The following CNTNAP2 variants were observed in gnomAD, a reference collection of about 807,000 sequenced individuals.
CNTNAP2 encodes contactin-associated protein-like 2.
Under a neutral mutation model 155.2 loss-of-function variants are expected in CNTNAP2, and 98 were observed. That is an observed-to-expected ratio of 0.63 (90% CI 0.54 to 0.75). The LOEUF (loss-of-function observed/expected upper bound fraction) is 0.75, where lower values mean the gene tolerates loss of function less well. Among genes scored for constraint, CNTNAP2 ranks in the 30% least tolerant of loss-of-function variants. The pLI, the probability that CNTNAP2 is intolerant of heterozygous loss-of-function variation, is 0.00. For missense variants in CNTNAP2, 1,727 were observed against 1,688.1 expected (o/e 1.02, Z -0.40); for synonymous variants, 651 against 631.2 (o/e 1.03, Z -0.47).
At chr7:147,648,396 G>T (rs1351736876) in intron 13 of CNTNAP2, among the ~76,000 whole-genome samples, 1 of 152,144 alleles carries the variant, frequency 6.6e-6, no homozygotes, top group Non-Finnish European at 1.5e-5. Context: ...ACGCAAAGTA[G>T]ATTTTATTAT....
At chr7:147,761,209 A>G (rs1797293943) in intron 13 of CNTNAP2, among the ~76,000 whole-genome samples, 2 of 152,338 alleles carry the variant, frequency 1.3e-5, no homozygotes, top group East Asian at 3.9e-4. Context: ...TGTCTCTTAG[A>G]ATACACATTG....
chr7:146,967,214 TC>T (rs1797675734), intron 3 of CNTNAP2, among the ~76,000 whole-genome samples: 1 of 152,168 alleles, frequency 6.6e-6, no homozygotes, highest in South Asian at 2.1e-4. Context: ...TTTCATTTGT[TC>T]TTTAATAATT....
rs183900623 is a variant in CNTNAP2 at position 147,625,757 on chromosome 7, A to G, written c.1898-13349A>G. ...GGAACATACCAGGAAAACCTGAAGG[A>G]TTCCCAGATCCTTTGAAAGAAGCAG... On this transcript the variant is annotated intron_variant, in intron 12 of 23. Coordinates refer to ENST00000361727, the MANE Select transcript of CNTNAP2 (RefSeq NM_014141.6). 3.3e-3 allele frequency among the ~76,000 whole-genome samples: 496 copies of G among 152,310 alleles called. 3 individuals carry two copies. The highest frequency in any genetic ancestry group is 5.4e-3 in the Admixed American group (82 of 15,290).
At chr7:146,311,702 T>G (rs10225855) in intron 1 of CNTNAP2, 142,958 of 149,848 alleles carry the variant, frequency 0.95, 68,042 homozygotes, top group East Asian at 1. Context: ...AAGAAAGAAA[T>G]AAAGAAAGAA....
chr7:146,869,693 A>G (rs998852312), intron 3 of CNTNAP2, among the ~76,000 whole-genome samples: 14 of 152,106 alleles, frequency 9.2e-5, no homozygotes, highest in East Asian at 3.9e-4. Flanking sequence ...TCCCAAAACC[A>G]AAGAACTTGG....
chr7:147,858,190 C>CA (rs1799073362), intron 13 of CNTNAP2, among the ~76,000 whole-genome samples: 1 of 152,210 alleles, frequency 6.6e-6, no homozygotes, highest in African/African-American at 2.4e-5. Flanking sequence ...TGGGTGCAAG[C>CA]AATTCTCTGC....
chr7:146,718,064 TAAC>T (rs1479185798), intron 1 of CNTNAP2, among the ~76,000 whole-genome samples: 2 of 152,162 alleles, frequency 1.3e-5, no homozygotes. Flanking sequence ...TTCAATATAA[TAAC>T]AATTACCATC....
chr7:147,281,347 T>A (rs1332986758), intron 8 of CNTNAP2, among the ~76,000 whole-genome samples: 1 of 151,876 alleles, frequency 6.6e-6, no homozygotes, highest in Admixed American at 6.6e-5. Context: ...CAAAAGCTTA[T>A]ATTAAATATT....
rs191541276 is a variant in CNTNAP2 at position 147,036,920 on chromosome 7, T to A, written c.403-6987T>A. On this transcript the variant is annotated intron_variant, in intron 3 of 23. Transcript: ENST00000361727. ...AAAAGAGCCAAGTGATATGAAAAAA[T>A]GCTCCTTTTCAAGACCTATGATAGT... 7.8e-3 allele frequency among the ~76,000 whole-genome samples: 1,194 copies of A among 152,156 alleles called. 37 individuals are homozygous for A. The highest frequency in any genetic ancestry group is 0.057 in the Admixed American group (874 of 15,272).
At chr7:147,035,867 G>GA (rs376900740) in intron 3 of CNTNAP2, among the ~76,000 whole-genome samples, 18 of 113,766 alleles carry the variant, frequency 1.6e-4, no homozygotes, top group Middle Eastern at 4.1e-3. Context: ...GTAAATTTGA[G>GA]AAAAAAAAAA....
intron 14 of CNTNAP2, among the ~76,000 whole-genome samples, chr7:147,955,791 C>T (rs547991541): frequency 6.6e-6 from 1 of 152,148 alleles, no homozygotes; most frequent in South Asian, 2.1e-4. Context: ...AGCAAAAGCG[C>T]CGTGCACATA....
At chr7:146,990,563 T>A (rs1374912727) in intron 3 of CNTNAP2, among the ~76,000 whole-genome samples, 1 of 152,102 alleles carries the variant, frequency 6.6e-6, no homozygotes, top group Non-Finnish European at 1.5e-5. Flanking sequence ...TTTTTTTTTC[T>A]CCCTGATTTC....
At chr7:147,734,722 A>G (rs376877286) in intron 13 of CNTNAP2, among the ~76,000 whole-genome samples, 4 of 152,196 alleles carry the variant, frequency 2.6e-5, no homozygotes, top group African/African-American at 7.2e-5. Flanking sequence ...CAGAGATTCA[A>G]CTTCTTCCTG....
chr7:148,092,340 A>G (rs757610061), intron 15 of CNTNAP2, among the ~76,000 whole-genome samples: 10 of 152,208 alleles, frequency 6.6e-5, no homozygotes, highest in Non-Finnish European at 1.2e-4. Flanking sequence ...AAGTGTTTCC[A>G]TCTTAATGAG....
chr7:147,724,432 C>A (rs1418958370), intron 13 of CNTNAP2, among the ~76,000 whole-genome samples: 1 of 152,052 alleles, frequency 6.6e-6, no homozygotes, highest in African/African-American at 2.4e-5. Context: ...CCTCAAGCCT[C>A]ACAGTTGCAG....
intron 14 of CNTNAP2, among the ~76,000 whole-genome samples, chr7:147,909,302 TA>T (rs1800019957): frequency 6.6e-6 from 1 of 152,172 alleles, no homozygotes; most frequent in African/African-American, 2.4e-5. Context: ...TTAACTAGCT[TA>T]TATGTAAGCT....
At chr7:146,139,525 G>A (rs1443927204) in intron 1 of CNTNAP2, among the ~76,000 whole-genome samples, 1 of 152,170 alleles carries the variant, frequency 6.6e-6, no homozygotes, top group Non-Finnish European at 1.5e-5. Context: ...ATTAGAAGAT[G>A]TAGCAAACTT....
intron 1 of CNTNAP2, among the ~76,000 whole-genome samples, chr7:146,693,970 G>C (rs139135735): frequency 0.012 from 1,799 of 151,560 alleles, 21 homozygotes; most frequent in Middle Eastern, 0.054. Flanking sequence ...CTAATTTTAA[G>C]TGAGAACAAA....
intron 16 of CNTNAP2, among the ~76,000 whole-genome samples, chr7:148,142,368 A>AT (rs1305788575): frequency 1.3e-5 from 2 of 151,986 alleles, no homozygotes; most frequent in African/African-American, 4.8e-5. Context: ...TTATCTTCTG[A>AT]TGTACAGTTA....
Sources: gnomAD v4.1 joint callset for allele counts (sites outside exome capture counted in the v4.1 genomes callset) on GRCh38, gnomAD v4.1.1 for gene constraint, MANE v1.5 for transcripts, NCBI Gene and HGNC (gene_info 2026-07-23, HGNC 2026-07-21) for gene names.